Variants in IMMP2L observed in about 807,000 individuals in gnomAD.
The protein encoded by IMMP2L is inner mitochondrial membrane peptidase subunit 2, also known as mitochondrial inner membrane protease subunit 2.
In IMMP2L, 18 loss-of-function variants were observed where a neutral mutation model predicts 19.3. That is an observed-to-expected ratio of 0.93 (90% CI 0.64 to 1.38). The LOEUF (loss-of-function observed/expected upper bound fraction) is 1.38, where lower values mean the gene tolerates loss of function less well. Among genes scored for constraint, IMMP2L ranks in the 40% most tolerant of loss-of-function variants. IMMP2L has a pLI of 0.00. For missense variants in IMMP2L, 233 were observed against 218.2 expected (o/e 1.07, Z -0.43); for synonymous variants, 76 against 73.0 (o/e 1.04, Z -0.21).
At position 110,924,261 on chromosome 7, in the gene IMMP2L, T is replaced by C. The variant is rs966321639; in HGVS notation, c.306-37566A>G. 2.0e-5 allele frequency among the ~76,000 whole-genome samples: 3 copies of C among 152,138 alleles called. No homozygotes were observed. Among genetic ancestry groups the C allele is most frequent in the African/African-American group, 4.8e-5 (2 of 41,414 alleles). ...TTTAATTTCCTTTATTACAGCAAAA[T>C]TGAGAAGAGGCTTCTGGTGAAAACG... On this transcript the variant is annotated intron_variant, in intron 4 of 5. Coordinates refer to ENST00000405709, the MANE Select transcript of IMMP2L (RefSeq NM_032549.4). This position sits in a 1 kb window ranked among gnomAD's most constrained non-coding sequence, Gnocchi z 4.2.
chr7:111,240,443 CAG>C (rs1562959834), intron 3 of IMMP2L, among the ~76,000 whole-genome samples: 1 of 151,896 alleles, frequency 6.6e-6, no homozygotes, highest in East Asian at 1.9e-4. Flanking sequence ...AAAGGAAGAA[CAG>C]AAACTGCAGT....
At chr7:111,012,909 A>G (rs1227364376) in intron 3 of IMMP2L, among the ~76,000 whole-genome samples, 1 of 152,184 alleles carries the variant, frequency 6.6e-6, no homozygotes, top group African/African-American at 2.4e-5. Flanking sequence ...AAAATTTGCA[A>G]TTAGGAAGAG....
At chr7:111,393,850 A>G (rs1012647630) in intron 3 of IMMP2L, among the ~76,000 whole-genome samples, 1 of 152,190 alleles carries the variant, frequency 6.6e-6, no homozygotes, top group Admixed American at 6.5e-5. Flanking sequence ...CTGCTCACAT[A>G]AGTGGGTTTT....
chr7:111,227,350 T>A (rs1475004507), intron 3 of IMMP2L, among the ~76,000 whole-genome samples: 8 of 152,170 alleles, frequency 5.3e-5, no homozygotes, highest in Non-Finnish European at 1.0e-4. Flanking sequence ...CCCAAACTTC[T>A]TCTTCCAATC....
chr7:111,253,810 G>T (rs1816404184), intron 3 of IMMP2L, among the ~76,000 whole-genome samples: 1 of 152,086 alleles, frequency 6.6e-6, no homozygotes, highest in Non-Finnish European at 1.5e-5. Context: ...AAAAAGCCAG[G>T]CAAGTAATGA....
chr7:111,166,742 T>C (rs958392638), intron 3 of IMMP2L, among the ~76,000 whole-genome samples: 20 of 152,100 alleles, frequency 1.3e-4, no homozygotes, highest in African/African-American at 4.6e-4. Context: ...CTTCCTTATT[T>C]TGTCTAATTT....
intron 3 of IMMP2L, among the ~76,000 whole-genome samples, chr7:111,125,808 G>A (rs868257716): frequency 4.7e-4 from 70 of 148,832 alleles, no homozygotes; most frequent in African/African-American, 1.6e-3. Context: ...CTTAGTTTTA[G>A]GCCGCTTGCT....
At position 110,963,539 on chromosome 7, in the gene IMMP2L, A is replaced by G. The variant is rs1819191937; in HGVS notation, c.266T>C (p.Ile89Thr). 2 of 1,603,376 alleles carry G rather than the reference A, an allele frequency of 1.2e-6. No individual in the cohort carries two copies. The highest frequency in any genetic ancestry group is 1.7e-6 in the Non-Finnish European group (2 of 1,172,028). ...TTCAAGAGCAATCACTCTCTTAATG[A>G]TCTTCTGTTCTGGGTTTTTAGGAGA... is the stretch of plus-strand genomic sequence containing the variant. ...LVSPKNPEQKIIKRVIALEGD... is the reference protein window; with the variant it reads ...LVSPKNPEQKTIKRVIALEGD... Residue 89 changes from isoleucine to threonine, a missense_variant, in exon 4 of 6, where the codon ATC becomes ACC. By Grantham distance (89) the Ile-to-Thr change is moderately conservative (BLOSUM62 -1). Coordinates refer to ENST00000405709, the MANE Select transcript of IMMP2L (RefSeq NM_032549.4).
chr7:111,430,701 CA>C (rs1745027134), intron 3 of IMMP2L, among the ~76,000 whole-genome samples: 1 of 151,722 alleles, frequency 6.6e-6, no homozygotes, highest in African/African-American at 2.4e-5. Flanking sequence ...GTAGTACACT[CA>C]AATATTGTCT....
chr7:110,736,471 G>A (rs758848305), intron 5 of IMMP2L, among the ~76,000 whole-genome samples: 4 of 152,224 alleles, frequency 2.6e-5, no homozygotes, highest in Admixed American at 6.5e-5. Flanking sequence ...CAGCCCAGGA[G>A]AGCTGCAGGA....
intron 3 of IMMP2L, among the ~76,000 whole-genome samples, chr7:111,242,866 C>A (rs1238651445): frequency 1.3e-5 from 2 of 152,066 alleles, no homozygotes; most frequent in Non-Finnish European, 2.9e-5. Flanking sequence ...CTCCGACATA[C>A]TATTTTCTTT....
chr7:111,129,592 T>C (rs1801655842), intron 3 of IMMP2L, among the ~76,000 whole-genome samples: 1 of 152,136 alleles, frequency 6.6e-6, no homozygotes, highest in South Asian at 2.1e-4. Flanking sequence ...CATTGCTAAC[T>C]AGGTCGTTGC....
At chr7:111,210,247 A>T (rs1811168058) in intron 3 of IMMP2L, among the ~76,000 whole-genome samples, 1 of 152,220 alleles carries the variant, frequency 6.6e-6, no homozygotes, top group African/African-American at 2.4e-5. Context: ...TTAATTGATT[A>T]GTTGGCATAT....
chr7:110,797,732 GC>G (rs1800955008), intron 5 of IMMP2L, among the ~76,000 whole-genome samples: 1 of 151,962 alleles, frequency 6.6e-6, no homozygotes, highest in Non-Finnish European at 1.5e-5. Context: ...GGAAGACACT[GC>G]TAGTCCCTAG....
At chr7:110,780,162 G>A (rs1447841965) in intron 5 of IMMP2L, among the ~76,000 whole-genome samples, 1 of 151,212 alleles carries the variant, frequency 6.6e-6, no homozygotes, top group Non-Finnish European at 1.5e-5. Context: ...TCCTTTTTCT[G>A]CTTCATTATG....
chr7:110,784,200 C>T (rs779990834), intron 5 of IMMP2L, among the ~76,000 whole-genome samples: 1 of 151,958 alleles, frequency 6.6e-6, no homozygotes, highest in African/African-American at 2.4e-5. Flanking sequence ...TTTAAATACT[C>T]GATAGCAAAA....
At chr7:111,381,658 A>C (rs1831216728) in intron 3 of IMMP2L, among the ~76,000 whole-genome samples, 2 of 152,098 alleles carry the variant, frequency 1.3e-5, no homozygotes, top group Middle Eastern at 3.4e-3. Flanking sequence ...CTCAGCCAGA[A>C]TATTAAGAAT....
intron 3 of IMMP2L, among the ~76,000 whole-genome samples, chr7:111,127,366 G>C (rs993700326): frequency 2.0e-5 from 3 of 152,112 alleles, no homozygotes; most frequent in African/African-American, 7.2e-5. Flanking sequence ...GCCTGAAGAA[G>C]TATTACAAAC....
intron 5 of IMMP2L, among the ~76,000 whole-genome samples, chr7:110,799,708 C>T (rs554348778): frequency 7.9e-5 from 12 of 152,124 alleles, no homozygotes; most frequent in African/African-American, 2.9e-4. Context: ...TTTTATTTCT[C>T]AAATAAAGAC....
Sources: gnomAD v4.1 joint callset for allele counts (sites outside exome capture counted in the v4.1 genomes callset) on GRCh38, gnomAD v4.1.1 for gene constraint, Gnocchi (gnomAD v3.1) non-coding constraint, MANE v1.5 for transcripts, NCBI Gene and HGNC (gene_info 2026-07-23, HGNC 2026-07-21) for gene names.